TMPRSS13: variants seen among roughly 807,000 people sequenced by gnomAD.
TMPRSS13 encodes the protein transmembrane serine protease 13.
Under a neutral mutation model 68.4 loss-of-function variants are expected in TMPRSS13, and 50 were observed. The ratio of observed to expected loss-of-function variants is 0.73; its 90% CI spans 0.58 to 0.93. The LOEUF (loss-of-function observed/expected upper bound fraction) is 0.93, where lower values mean the gene tolerates loss of function less well. Ranked by LOEUF, TMPRSS13 falls within the 40% of genes least tolerant of loss-of-function variation. TMPRSS13 has a pLI of 0.00. For missense variants in TMPRSS13, 615 were observed against 729.2 expected, an observed-to-expected ratio of 0.84 and a Z score of 1.80; for synonymous variants, 267 against 285.8, an observed-to-expected ratio of 0.93 and a Z score of 0.66.
intron 1 of TMPRSS13, among the ~76,000 whole-genome samples, chr11:117,926,352 G>A (rs141511184): frequency 9.6e-4 from 146 of 152,270 alleles, no homozygotes; most frequent in African/African-American, 3.3e-3. Flanking sequence ...GCTGGGACAC[G>A]GCATGGCAGA....
At position 117,908,612 on chromosome 11, in the gene TMPRSS13, C is replaced by T. The variant is rs1211567853; in HGVS notation, c.1282G>A (p.Ala428Thr). The change falls in exon 9 of 13, where the codon GCT (alanine) becomes ACT (threonine). Residue 428 changes from alanine (A) to threonine (T), a missense_variant and splice_region_variant. Transcript: ENST00000524993. The part of the protein sequence containing the change: ...MRLSKPLTLS[A>T]HIHPACLPMH... ...GAGCGGGGAGTGCAGATTCCCTCAC[C>T]GGACAGGGTCAGGGGCTTGGACAGC... The T allele has an allele frequency of 3.2e-6, 5 of 1,559,116 alleles. No homozygotes were observed. Among genetic ancestry groups the T allele is most frequent in the African/African-American group, 1.4e-5 (1 of 73,880 alleles).
At chr11:117,911,432 C>T (rs1017628827) in intron 6 of TMPRSS13, among the ~76,000 whole-genome samples, 1 of 152,164 alleles carries the variant, frequency 6.6e-6, no homozygotes, top group African/African-American at 2.4e-5. Context: ...TTCTCCCCCA[C>T]CAATCCAGGT....
In TMPRSS13 at chr11:117,918,769, G is replaced by C. The variant is rs1565352408; in HGVS notation, c.91C>G (p.Pro31Ala). The change falls in exon 2 of 13, where the codon CCA (proline) becomes GCA (alanine). Residue 31 changes from proline (P) to alanine (A), a missense_variant. By Grantham distance (27) the Pro-to-Ala change is conservative (BLOSUM62 -1). Coordinates refer to ENST00000524993, the MANE Select transcript of TMPRSS13 (RefSeq NM_001077263.3). Reference protein sequence around the residue: ...PAQASPAGTPPGRASPAQASP... With the variant: ...PAQASPAGTPAGRASPAQASP... ...GCCTGGGCTGGAGATGCCCGGCCTG[G>C]AGGTGTCCCAGCTGGAGATGCCTGG... The C allele has an allele frequency of 6.2e-7, 1 of 1,613,224 alleles. No individual in the cohort carries two copies. The highest frequency in any genetic ancestry group is 1.3e-5 in the African/African-American group (1 of 74,784).
intron 1 of TMPRSS13, among the ~76,000 whole-genome samples, chr11:117,923,024 G>T (rs920556057): frequency 1.1e-4 from 16 of 152,204 alleles, no homozygotes; most frequent in African/African-American, 3.6e-4. Context: ...GCAGGAAAGC[G>T]GTAAGGGACA....
intron 1 of TMPRSS13, among the ~76,000 whole-genome samples, chr11:117,927,130 TC>T (rs1406255724): frequency 6.6e-6 from 1 of 152,234 alleles, no homozygotes; most frequent in Admixed American, 6.5e-5. Context: ...AGCCAACTGT[TC>T]AAACAGTGTT....
chr11:117,929,148 G>A (rs1366775857), intron 1 of TMPRSS13, 139 bp downstream of exon 1: 1 of 619,684 alleles, frequency 1.6e-6, no homozygotes, highest in East Asian at 3.4e-5. Context: ...TTGATCGTAA[G>A]TAGCTTCAAA....
intron 9 of TMPRSS13, 115 bp downstream of exon 9, chr11:117,908,497 T>G (rs1441561335): frequency 8.7e-7 from 1 of 1,145,672 alleles, no homozygotes; most frequent in Admixed American, 2.0e-5. Context: ...CTTTGACTTC[T>G]GCCCTGCAGA....
chr11:117,902,057 GCAATGCACA>G lies in TMPRSS13; in HGVS notation c.*173_*181del. ...GGTTTCTGAAAAACTTGGGAGAGTGGCAATGCACACATATGCACACACACACACACACAC... is the reference window on the plus strand; with the variant it reads ...GGTTTCTGAAAAACTTGGGAGAGTGGCATATGCACACACACACACACACAC... On this transcript the variant is annotated 3_prime_UTR_variant, in exon 13 of 13. Transcript: ENST00000524993. 1.5e-6 allele frequency: 1 copy of G among 673,740 alleles called. No individual in the cohort carries two copies. Among genetic ancestry groups the G allele is most frequent in the South Asian group, 1.8e-5 (1 of 55,872 alleles). 41.7% of individuals were successfully genotyped at this position (673,740 alleles called of 1,614,324 possible).
chr11:117,909,764 G>A lies in TMPRSS13; in HGVS notation c.1109+42C>T, dbSNP rs752402156. 11 of 1,580,560 alleles carry A rather than the reference G, an allele frequency of 7.0e-6. No homozygotes were observed. In the African/African-American group the frequency reaches 8.1e-5, roughly 12 times the overall value. ...CAGCCAGCCCTTCCTGGTGGTTCCC[G>A]ACCCTGGGCAGTGTCAAATCACCTG... On this transcript the variant is annotated intron_variant, in intron 8 of 12. Coordinates refer to ENST00000524993, the MANE Select transcript of TMPRSS13 (RefSeq NM_001077263.3).
In TMPRSS13 at chr11:117,904,861, T is replaced by TTATATATATATATATA. The variant is rs58001868; in HGVS notation, c.1381+761_1382-761dup. 2.4e-3 allele frequency among the ~76,000 whole-genome samples: 238 copies of TTATATATATATATATA among 100,512 alleles called. 5 individuals are homozygous for TTATATATATATATATA. The highest frequency in any genetic ancestry group is 4.8e-3 in the Middle Eastern group (1 of 208). The allele number at this position is 100,512 out of a possible 152,430, so 65.9% of individuals were successfully genotyped here. A position where few individuals can be genotyped will look rare whatever the true frequency, so the allele number is the denominator to read the frequency against. On this transcript the variant is annotated intron_variant, in intron 10 of 12. Coordinates refer to ENST00000524993, the MANE Select transcript of TMPRSS13 (RefSeq NM_001077263.3). ...TACCACTTAGAGCTCCTAGATAAGA[T>TTATATATATATATATA]TATATATATATATATATATATATAT...
Position 117,911,753 on chromosome 11 carries a change from C to T in TMPRSS13, c.902+15G>A, listed in dbSNP as rs1565348254. 1 of 1,610,268 alleles carries T rather than the reference C, an allele frequency of 6.2e-7. No homozygotes were observed. On this transcript the variant is annotated intron_variant, in intron 6 of 12. Coordinates refer to ENST00000524993, the MANE Select transcript of TMPRSS13 (RefSeq NM_001077263.3). ...CCCCTGCTCACAAACAGGCAGCCTG[C>T]CTGCCCCACCATACCTGTGGAGGCT...
chr11:117,928,283 G>A (rs1479361383), intron 1 of TMPRSS13, among the ~76,000 whole-genome samples: 1 of 152,214 alleles, frequency 6.6e-6, no homozygotes, highest in Non-Finnish European at 1.5e-5. Flanking sequence ...AAGGAGCCCA[G>A]AGCAGAGGGC....
chr11:117,903,534 C>T, intron 12 of TMPRSS13, 121 bp downstream of exon 12: 1 of 1,563,930 alleles, frequency 6.4e-7, no homozygotes, highest in East Asian at 2.3e-5. Flanking sequence ...CTGTCCAGAA[C>T]ACCCCCCGAA....
rs559940900 is a variant in TMPRSS13, at chr11:117,918,287, C to G, written c.451+122G>C. 6.9e-5 allele frequency: 85 copies of G among 1,239,204 alleles called. No homozygotes were observed. The African/African-American group carries it at 7.5e-4, about 11-fold the overall frequency. 76.8% of individuals were successfully genotyped at this position (1,239,204 alleles called of 1,614,324 possible). A position where few individuals can be genotyped will look rare whatever the true frequency, so the allele number is the denominator to read the frequency against. ...CCTCAGGTCCCTCACTTCCCACCCC[C>G]CTACCTCCCCTTCCCCGCATCGTTG... On this transcript the variant is annotated intron_variant, in intron 2 of 12. Transcript: ENST00000524993.
At chr11:117,921,347 G>A (rs532146442) in intron 1 of TMPRSS13, among the ~76,000 whole-genome samples, 1 of 152,284 alleles carries the variant, frequency 6.6e-6, no homozygotes, top group African/African-American at 2.4e-5. Flanking sequence ...ACTATCCCCA[G>A]TTTGTACACA....
chr11:117,909,698 G>C (rs1283757624), intron 8 of TMPRSS13, 108 bp downstream of exon 8: 1 of 1,360,148 alleles, frequency 7.4e-7, no homozygotes, highest in African/African-American at 1.4e-5. Context: ...ATGGGGGCTG[G>C]ACTCACACCC....
intron 3 of TMPRSS13, 114 bp downstream of exon 3, chr11:117,917,056 T>C: frequency 4.6e-6 from 4 of 865,930 alleles, no homozygotes; most frequent in South Asian, 1.6e-5. Flanking sequence ...CTGGACACAG[T>C]AGCCGGGTGA....
intron 12 of TMPRSS13, among the ~76,000 whole-genome samples, chr11:117,902,570 T>G (rs977022647): frequency 6.6e-6 from 1 of 152,186 alleles, no homozygotes; most frequent in African/African-American, 2.4e-5. Context: ...AGGCAGGGTC[T>G]CAACTAGGTC....
chr11:117,911,299 C>A (rs1489281079), intron 6 of TMPRSS13, among the ~76,000 whole-genome samples: 1 of 152,204 alleles, frequency 6.6e-6, no homozygotes, highest in East Asian at 1.9e-4. Flanking sequence ...GATGCCTGCA[C>A]CTGGCGGTCC....
Sources: allele counts gnomAD v4.1 joint callset (sites outside exome capture counted in the v4.1 genomes callset), GRCh38; gene constraint gnomAD v4.1.1; transcripts MANE v1.5; gene names NCBI Gene and HGNC (gene_info 2026-07-23, HGNC 2026-07-21).